The following ANKIB1 variants were observed in gnomAD, a reference collection of about 807,000 sequenced individuals.
ANKIB1 encodes the protein ankyrin repeat and IBR domain-containing protein 1.
Under a neutral mutation model 122.1 loss-of-function variants are expected in ANKIB1, and 43 were observed. The ratio of observed to expected loss-of-function variants is 0.35; its 90% CI spans 0.28 to 0.45. The LOEUF is 0.45. Ranked by LOEUF, ANKIB1 falls within the 20% of genes least tolerant of loss-of-function variation. The pLI is 1.00. For missense variants in ANKIB1, 992 were observed against 1,329.5 expected (o/e 0.75, Z 3.95); for synonymous variants, 390 against 442.0 (o/e 0.88, Z 1.48).
intron 3 of ANKIB1, among the ~76,000 whole-genome samples, chr7:92,314,479 C>T (rs1439726780): frequency 6.6e-6 from 1 of 152,136 alleles, no homozygotes; most frequent in East Asian, 1.9e-4. Flanking sequence ...CATCAGTCAC[C>T]TGAGAACTTG....
chr7:92,367,880 G>T lies in ANKIB1; in HGVS notation c.1487-3597G>T, dbSNP rs535144977. On this transcript the variant is annotated intron_variant, in intron 10 of 19. Coordinates refer to ENST00000265742, the MANE Select transcript of ANKIB1 (RefSeq NM_019004.2). Reference sequence around the variant, plus strand: ...ATTTAAAAATTCAGTCTTTGACTAGGTGCAGTGGTTTACGCCTGTAATCCC... The same window carrying T: ...ATTTAAAAATTCAGTCTTTGACTAGTTGCAGTGGTTTACGCCTGTAATCCC... Among the ~76,000 whole-genome samples, 3 of 152,236 alleles carry T rather than the reference G, an allele frequency of 2.0e-5. No homozygotes were observed. In the East Asian group the frequency reaches 5.8e-4, roughly 29 times the overall value.
At chr7:92,316,734 AT>A (rs1562780129) in intron 3 of ANKIB1, among the ~76,000 whole-genome samples, 1 of 149,728 alleles carries the variant, frequency 6.7e-6, no homozygotes, top group African/African-American at 2.4e-5. Context: ...CTTCACACAC[AT>A]TTTTTTAACC....
intron 3 of ANKIB1, among the ~76,000 whole-genome samples, chr7:92,317,539 G>A (rs1265142383): frequency 6.6e-6 from 1 of 152,118 alleles, no homozygotes; most frequent in Non-Finnish European, 1.5e-5. Context: ...TTTAAGCATT[G>A]TGGCCATAGG....
intron 1 of ANKIB1, among the ~76,000 whole-genome samples, chr7:92,290,232 G>A (rs529716327): frequency 1.6e-4 from 24 of 152,312 alleles, no homozygotes; most frequent in African/African-American, 5.8e-4. Context: ...GAGTGGGATG[G>A]GGTTGTGTTG....
At chr7:92,385,752 G>GGATA (rs1804626699) in intron 11 of ANKIB1, among the ~76,000 whole-genome samples, 1 of 152,134 alleles carries the variant, frequency 6.6e-6, no homozygotes, top group Non-Finnish European at 1.5e-5. Flanking sequence ...GATGGGGGAA[G>GGATA]GATAGCATTA....
At chr7:92,323,135 A>G (rs1301251163) in intron 4 of ANKIB1, among the ~76,000 whole-genome samples, 5 of 152,140 alleles carry the variant, frequency 3.3e-5, no homozygotes, top group Admixed American at 2.6e-4. Flanking sequence ...TAGTTCCTAT[A>G]TGTCTTTAGA....
intron 7 of ANKIB1, among the ~76,000 whole-genome samples, chr7:92,347,008 A>C (rs1483067064): frequency 6.6e-6 from 1 of 152,202 alleles, no homozygotes; most frequent in Non-Finnish European, 1.5e-5. Context: ...TGGGTGATTC[A>C]TGTGTTGATG....
intron 2 of ANKIB1, among the ~76,000 whole-genome samples, chr7:92,306,785 T>C (rs1802571188): frequency 6.6e-6 from 1 of 152,218 alleles, no homozygotes; most frequent in Non-Finnish European, 1.5e-5. Flanking sequence ...CGTGTAAATA[T>C]ATGCCTTATT....
At chr7:92,355,201 C>T (rs1460836122) in intron 9 of ANKIB1, among the ~76,000 whole-genome samples, 2 of 152,172 alleles carry the variant, frequency 1.3e-5, no homozygotes, top group Non-Finnish European at 2.9e-5. Context: ...AAAATTATCT[C>T]AAGACAATAT....
chr7:92,315,797 G>A (rs1010046126), intron 3 of ANKIB1, among the ~76,000 whole-genome samples: 1 of 152,288 alleles, frequency 6.6e-6, no homozygotes, highest in African/African-American at 2.4e-5. Context: ...GGGCATAATT[G>A]AGTCATTTGC....
chr7:92,309,942 A>AAAAAAAAAAAATATATATAT (rs1335765681), intron 3 of ANKIB1, among the ~76,000 whole-genome samples: 6 of 91,788 alleles, frequency 6.5e-5, no homozygotes, highest in East Asian at 4.6e-4. Context: ...AAAAAAAAAA[A>AAAAAAAAAAAATATATATAT]ATATATATAT....
intron 1 of ANKIB1, among the ~76,000 whole-genome samples, chr7:92,254,512 C>T (rs1340898362): frequency 6.6e-6 from 1 of 152,074 alleles, no homozygotes; most frequent in Non-Finnish European, 1.5e-5. Flanking sequence ...TTTTCTTTTA[C>T]AATAAAATGA....
intron 4 of ANKIB1, among the ~76,000 whole-genome samples, chr7:92,326,355 C>T (rs1803027541): frequency 6.6e-6 from 1 of 152,150 alleles, no homozygotes; most frequent in African/African-American, 2.4e-5. Context: ...GTCATTCTCT[C>T]GATAACACTA....
At chr7:92,368,208 A>G (rs1205549213) in intron 10 of ANKIB1, among the ~76,000 whole-genome samples, 2 of 151,902 alleles carry the variant, frequency 1.3e-5, no homozygotes, top group Non-Finnish European at 2.9e-5. Flanking sequence ...GTTCACATGC[A>G]TACATGTTGA....
chr7:92,267,066 G>A (rs533058267), intron 1 of ANKIB1, among the ~76,000 whole-genome samples: 56 of 152,196 alleles, frequency 3.7e-4, no homozygotes, highest in Non-Finnish European at 7.2e-4. Context: ...AAGCCAGATT[G>A]CAGTGAGTTG....
chr7:92,364,403 C>CATTTCCCCT (rs1804025674), intron 10 of ANKIB1, among the ~76,000 whole-genome samples: 1 of 151,040 alleles, frequency 6.6e-6, no homozygotes, highest in Non-Finnish European at 1.5e-5. Context: ...CATACCCACC[C>CATTTCCCCT]ATTTCCCCTA....
chr7:92,313,372 A>C (rs1802730887), intron 3 of ANKIB1, among the ~76,000 whole-genome samples: 1 of 152,184 alleles, frequency 6.6e-6, no homozygotes. Flanking sequence ...ATATTACCTA[A>C]TTATATTGTG....
At chr7:92,285,830 C>A (rs1286642526) in intron 1 of ANKIB1, among the ~76,000 whole-genome samples, 2 of 152,194 alleles carry the variant, frequency 1.3e-5, no homozygotes, top group Non-Finnish European at 2.9e-5. Flanking sequence ...GGGTAGGAAT[C>A]AAAGGGTTCA....
chr7:92,304,376 A>C (rs1802513530), intron 2 of ANKIB1, among the ~76,000 whole-genome samples: 1 of 152,168 alleles, frequency 6.6e-6, no homozygotes, highest in South Asian at 2.1e-4. Context: ...GGTTTGATTA[A>C]TGAACCCGGC....
Sources: gnomAD v4.1 joint callset for allele counts (sites outside exome capture counted in the v4.1 genomes callset) on GRCh38, gnomAD v4.1.1 for gene constraint, MANE v1.5 for transcripts, NCBI Gene and HGNC (gene_info 2026-07-23, HGNC 2026-07-21) for gene names.